ADCY8: variants seen among roughly 807,000 people sequenced by gnomAD.
ADCY8 encodes adenylate cyclase 8, also known as adenylate cyclase type 8.
Under a neutral mutation model 119.7 loss-of-function variants are expected in ADCY8, and 51 were observed. The ratio of observed to expected loss-of-function variants is 0.43; its 90% CI spans 0.34 to 0.54. The LOEUF (loss-of-function observed/expected upper bound fraction) is 0.54, where lower values mean the gene tolerates loss of function less well. Among genes scored for constraint, ADCY8 ranks in the 20% least tolerant of loss-of-function variants. The probability of loss-of-function intolerance (pLI) is 0.03; values close to 1 mark genes in which losing one functional copy is unlikely to be tolerated. For missense variants in ADCY8, 1,383 were observed against 1,598.8 expected (o/e 0.87, Z 2.30); for synonymous variants, 665 against 651.0 (o/e 1.02, Z -0.33).
In ADCY8 at chr8:130,780,361, CAA is replaced by C. The variant is rs5895055; in HGVS notation, c.*27_*28del. On this transcript the variant is annotated 3_prime_UTR_variant, in exon 18 of 18. Coordinates refer to ENST00000286355, the MANE Select transcript of ADCY8 (RefSeq NM_001115.3). ...ATTTATTTTATATATAAAAGAAATA[CAA>C]AAAAAAAAAACAGAAAGAAAATGCT... 1.2e-5 allele frequency: 16 copies of C among 1,281,166 alleles called. No individual in the cohort carries two copies. The African/African-American group carries it at 1.6e-4, about 13-fold the overall frequency. 79.4% of individuals were successfully genotyped at this position (1,281,166 alleles called of 1,614,324 possible).
At chr8:130,868,461 G>C (rs114575473) in intron 8 of ADCY8, among the ~76,000 whole-genome samples, 2 of 152,110 alleles carry the variant, frequency 1.3e-5, no homozygotes, top group South Asian at 4.1e-4. Context: ...GAGAAACCAA[G>C]ACTAATAGAC....
At chr8:130,984,014 C>G (rs946073090) in intron 2 of ADCY8, among the ~76,000 whole-genome samples, 2 of 152,170 alleles carry the variant, frequency 1.3e-5, no homozygotes, top group African/African-American at 4.8e-5. Flanking sequence ...ACTGTGGGCT[C>G]ACTGCATCAG....
chr8:131,032,401 T>A (rs1269794473), intron 1 of ADCY8, among the ~76,000 whole-genome samples: 3 of 152,146 alleles, frequency 2.0e-5, no homozygotes, highest in African/African-American at 7.2e-5. Context: ...TATGATCTAG[T>A]TAAATGAAAT....
At chr8:130,965,601 A>C (rs1821738437) in intron 2 of ADCY8, among the ~76,000 whole-genome samples, 1 of 152,232 alleles carries the variant, frequency 6.6e-6, no homozygotes, top group Non-Finnish European at 1.5e-5. Context: ...CAACATACTA[A>C]TAGCTGCTCT....
chr8:131,021,571 A>C (rs1823669282), intron 1 of ADCY8, among the ~76,000 whole-genome samples: 1 of 152,132 alleles, frequency 6.6e-6, no homozygotes, highest in African/African-American at 2.4e-5. Context: ...AGTTCCCATA[A>C]TCCTCACACA....
chr8:130,839,417 G>T (rs150627369), intron 11 of ADCY8, among the ~76,000 whole-genome samples: 2 of 139,260 alleles, frequency 1.4e-5, no homozygotes, highest in African/African-American at 4.9e-5. Context: ...GATATGAACC[G>T]TGGGACATCA....
chr8:130,886,891 T>C (rs980937484), intron 7 of ADCY8, among the ~76,000 whole-genome samples: 6 of 152,116 alleles, frequency 3.9e-5, no homozygotes, highest in Non-Finnish European at 8.8e-5. Context: ...AAAAAATAGT[T>C]TGGGGATTGA....
rs1477909295 is a variant in ADCY8, at chr8:130,903,799, G to C, written c.1884C>G (p.Pro628=). 2 of 1,612,832 alleles carry C rather than the reference G, an allele frequency of 1.2e-6. No individual in the cohort carries two copies. The highest frequency in any genetic ancestry group is 1.1e-5 in the South Asian group (1 of 91,002). Reference sequence around the variant, plus strand: ...TCTGTTTCCCCACGATATTATCAAAGGGCAGTTCAGGGCTCCAGGATCCTT... The same window carrying C: ...TCTGTTTCCCCACGATATTATCAAACGGCAGTTCAGGGCTCCAGGATCCTT... ...FTEGSWSPEL[P]FDNIVGKQNT... The change falls in exon 7 of 18, where the codon CCC becomes CCG. Residue 628 remains proline, a synonymous_variant. Coordinates refer to ENST00000286355, the MANE Select transcript of ADCY8 (RefSeq NM_001115.3).
At chr8:130,910,341 A>G (rs1478420920) in intron 5 of ADCY8, among the ~76,000 whole-genome samples, 1 of 152,086 alleles carries the variant, frequency 6.6e-6, no homozygotes, top group African/African-American at 2.4e-5. Flanking sequence ...TAGATTATTG[A>G]TTTCATACTT....
chr8:130,960,170 G>A (rs1223645896), intron 2 of ADCY8, among the ~76,000 whole-genome samples: 1 of 152,164 alleles, frequency 6.6e-6, no homozygotes, highest in African/African-American at 2.4e-5. Context: ...AATTGGGACT[G>A]TGAAAGAGGG....
chr8:130,985,158 CTCAGCA>C (rs1822362568), intron 2 of ADCY8, among the ~76,000 whole-genome samples: 1 of 152,046 alleles, frequency 6.6e-6, no homozygotes, highest in Non-Finnish European at 1.5e-5. Flanking sequence ...TGGGGGGTGA[CTCAGCA>C]ATGCCAAGTG....
In ADCY8 at chr8:130,946,718, T is replaced by G. The variant is rs62518143; in HGVS notation, c.1242-3256A>C. Among the ~76,000 whole-genome samples the G allele has an allele frequency of 3.9e-3, 601 of 152,322 alleles. 6 individuals carry two copies. Among genetic ancestry groups the G allele is most frequent in the Admixed American group, 6.2e-3 (95 of 15,300 alleles). ...ACAGTTGGCCCTATTACATGTTTCC[T>G]TAGTCCAATCAACAGAAACATTCAG... On this transcript the variant is annotated intron_variant, in intron 3 of 17. Coordinates refer to ENST00000286355, the MANE Select transcript of ADCY8 (RefSeq NM_001115.3).
intron 1 of ADCY8, among the ~76,000 whole-genome samples, chr8:131,011,325 T>C (rs1360724318): frequency 1.3e-5 from 2 of 152,150 alleles, no homozygotes; most frequent in South Asian, 2.1e-4. Context: ...ATAGGCAAAT[T>C]AGATATGTTT....
intron 13 of ADCY8, among the ~76,000 whole-genome samples, chr8:130,817,126 A>G (rs910265555): frequency 3.3e-5 from 5 of 152,236 alleles, no homozygotes; most frequent in South Asian, 2.1e-4. Flanking sequence ...TAACAATTGT[A>G]TTAATATACT....
At chr8:130,962,038 T>C (rs1009840755) in intron 2 of ADCY8, among the ~76,000 whole-genome samples, 1 of 152,182 alleles carries the variant, frequency 6.6e-6, no homozygotes, top group African/African-American at 2.4e-5. Context: ...CCTCAAGTCA[T>C]CGATGCTTTC....
At chr8:130,940,800 G>T (rs1382351023) in intron 4 of ADCY8, among the ~76,000 whole-genome samples, 3 of 152,132 alleles carry the variant, frequency 2.0e-5, no homozygotes, top group Non-Finnish European at 4.4e-5. Flanking sequence ...CTTTCCTCTT[G>T]TCTTGATGAC....
chr8:130,980,045 G>A (rs1822192051), intron 2 of ADCY8, among the ~76,000 whole-genome samples: 2 of 152,124 alleles, frequency 1.3e-5, no homozygotes, highest in Admixed American at 1.3e-4. Context: ...GGGCCCTGAT[G>A]GAGAAACTGT....
chr8:130,918,410 C>G (rs1466987493), intron 5 of ADCY8, among the ~76,000 whole-genome samples: 1 of 152,110 alleles, frequency 6.6e-6, no homozygotes, highest in Non-Finnish European at 1.5e-5. Flanking sequence ...TCTCCAGATA[C>G]TGTTATATTT....
At chr8:130,957,780 G>C (rs1374579839) in intron 2 of ADCY8, among the ~76,000 whole-genome samples, 1 of 152,206 alleles carries the variant, frequency 6.6e-6, no homozygotes, top group African/African-American at 2.4e-5. Flanking sequence ...GGTTTCAGAG[G>C]GTGCAAGCCC....
Sources: allele counts gnomAD v4.1 joint callset (sites outside exome capture counted in the v4.1 genomes callset), GRCh38; gene constraint gnomAD v4.1.1; transcripts MANE v1.5; gene names NCBI Gene and HGNC (gene_info 2026-07-23, HGNC 2026-07-21).